COL15A1: variants seen among roughly 807,000 people sequenced by gnomAD.
COL15A1 encodes collagen alpha-1(XV) chain.
Under a neutral mutation model 165.9 loss-of-function variants are expected in COL15A1, and 111 were observed. The observed-to-expected ratio is 0.67, with a 90% confidence interval of 0.57 to 0.78. The LOEUF (loss-of-function observed/expected upper bound fraction) is 0.78. Ranked by LOEUF, COL15A1 falls within the 30% of genes least tolerant of loss-of-function variation. The probability of loss-of-function intolerance (pLI) is 0.00; values close to 1 mark genes in which losing one functional copy is unlikely to be tolerated. For synonymous variants in COL15A1, 659 were observed against 674.8 expected (o/e 0.98, Z 0.36); for missense variants, 1,745 against 1,789.7 (o/e 0.98, Z 0.45).
At chr9:99,010,396 G>A (rs1838831783) in intron 9 of COL15A1, among the ~76,000 whole-genome samples, 1 of 152,154 alleles carries the variant, frequency 6.6e-6, no homozygotes, top group Non-Finnish European at 1.5e-5. Flanking sequence ...TGGAAGAAGG[G>A]GTCAGGGGAA....
At chr9:98,970,047 A>C (rs1838021292) in intron 2 of COL15A1, among the ~76,000 whole-genome samples, 1 of 151,330 alleles carries the variant, frequency 6.6e-6, no homozygotes, top group African/African-American at 2.4e-5. Flanking sequence ...GTAGTTTAAA[A>C]AAAAAAAAAA....
intron 2 of COL15A1, among the ~76,000 whole-genome samples, chr9:98,950,550 C>CCCTTCCTTCCTTCCTTCCTTCCTT (rs60753911): frequency 1.9e-4 from 13 of 66,954 alleles, no homozygotes; most frequent in African/African-American, 8.5e-4. Flanking sequence ...CCTTCCCTTC[C>CCCTTCCTTCCTTCCTTCCTTCCTT]CCTTCCTTCC....
chr9:99,042,257 A>AT (rs1002937699), intron 24 of COL15A1, 150 bp downstream of exon 24: 16 of 597,358 alleles, frequency 2.7e-5, no homozygotes, highest in Non-Finnish European at 4.2e-5. Flanking sequence ...CAATTCAGTG[A>AT]TTTTTGGTGG....
chr9:98,999,130 A>AG (rs1303982880), intron 6 of COL15A1, among the ~76,000 whole-genome samples: 1 of 152,054 alleles, frequency 6.6e-6, no homozygotes, highest in Non-Finnish European at 1.5e-5. Context: ...GTGGGTGGGG[A>AG]GGGGGGCAGA....
intron 30 of COL15A1, among the ~76,000 whole-genome samples, chr9:99,050,891 C>T (rs966224084): frequency 1.3e-5 from 2 of 152,344 alleles, no homozygotes; most frequent in East Asian, 3.9e-4. Flanking sequence ...TAAGTCTAAA[C>T]GTTGAGGCAT....
At chr9:98,959,189 G>A (rs952998809) in intron 2 of COL15A1, among the ~76,000 whole-genome samples, 14 of 130,502 alleles carry the variant, frequency 1.1e-4, no homozygotes, top group African/African-American at 3.5e-4. Context: ...CCAGGAGTTC[G>A]AGACCAGCCT....
rs1588500774 is a variant in COL15A1, at chr9:98,982,080, CA to C, written c.101-3484del. Among the ~76,000 whole-genome samples the C allele has an allele frequency of 3.9e-5, 6 of 152,228 alleles. No individual in the cohort carries two copies. The East Asian group carries it at 1.2e-3, about 29-fold the overall frequency. ...CCTCCTAAAACACTGGAATTACAGG[CA>C]TGAGCCACCATACCAGGCCCTATTT... On this transcript the variant is annotated intron_variant, in intron 2 of 41. Transcript: ENST00000375001.
intron 5 of COL15A1, among the ~76,000 whole-genome samples, chr9:98,994,851 C>A (rs530692887): frequency 6.6e-6 from 1 of 152,112 alleles, no homozygotes; most frequent in South Asian, 2.1e-4. Context: ...GAGGCAGGTC[C>A]CCTTACCCTC....
intron 5 of COL15A1, among the ~76,000 whole-genome samples, chr9:98,995,882 GTCCTCATTT>G (rs1339322997): frequency 6.6e-6 from 1 of 151,890 alleles, no homozygotes; most frequent in Non-Finnish European, 1.5e-5. Flanking sequence ...GTTCTTTATT[GTCCTCATTT>G]TTACAGAGGA....
intron 9 of COL15A1, among the ~76,000 whole-genome samples, chr9:99,009,285 G>T (rs1372369316): frequency 6.6e-6 from 1 of 152,202 alleles, no homozygotes; most frequent in Non-Finnish European, 1.5e-5. Context: ...TACTTCTGTG[G>T]CATACAGCAA....
intron 2 of COL15A1, among the ~76,000 whole-genome samples, chr9:98,961,586 G>A (rs1319412442): frequency 1.3e-5 from 2 of 152,190 alleles, no homozygotes; most frequent in African/African-American, 4.8e-5. Flanking sequence ...AGGGAGGAAG[G>A]CAGGGTGAAG....
At chr9:99,054,690 A>AT in intron 32 of COL15A1, 34 bp downstream of exon 32, 1 of 1,588,912 alleles carries the variant, frequency 6.3e-7, no homozygotes, top group Non-Finnish European at 8.5e-7. Context: ...CTTGCCTTTG[A>AT]TTTTTTGCTC....
At chr9:99,022,916 C>A (rs942978951) in intron 13 of COL15A1, among the ~76,000 whole-genome samples, 1 of 152,196 alleles carries the variant, frequency 6.6e-6, no homozygotes, top group Non-Finnish European at 1.5e-5. Flanking sequence ...CAGGTTTGGG[C>A]TGGCTCTTGA....
At position 98,985,918 on chromosome 9, in the gene COL15A1, T is replaced by C. The variant is rs1326973071; in HGVS notation, c.454T>C (p.Phe152Leu). The C allele has an allele frequency of 6.2e-7, 1 of 1,613,944 alleles. No individual in the cohort carries two copies. The highest frequency in any genetic ancestry group is 8.5e-7 in the Non-Finnish European group (1 of 1,180,002). The change falls in exon 3 of 42, where the codon TTC becomes CTC. Residue 152 changes from phenylalanine (F) to leucine (L), a missense_variant. Phe to Leu is a conservative substitution (Grantham distance 22, BLOSUM62 0). Coordinates refer to ENST00000375001, the MANE Select transcript of COL15A1 (RefSeq NM_001855.5). Reference sequence around the variant, plus strand: ...CCATGTGTCCCAAGAGGCTGCTGCCTTCTCGGTGCCTGTGATGACCCACAG... The same window carrying C: ...CCATGTGTCCCAAGAGGCTGCTGCCCTCTCGGTGCCTGTGATGACCCACAG... ...GSHVSQEAAA[F>L]SVPVMTHRWN...
At chr9:99,065,022 C>T (rs1485626736) in intron 39 of COL15A1, among the ~76,000 whole-genome samples, 1 of 152,180 alleles carries the variant, frequency 6.6e-6, no homozygotes, top group Non-Finnish European at 1.5e-5. Context: ...GCAATTTTAA[C>T]ATTTTGAGTG....
intron 2 of COL15A1, among the ~76,000 whole-genome samples, chr9:98,964,528 C>T (rs1441667214): frequency 1.3e-5 from 2 of 152,210 alleles, no homozygotes. Context: ...GTGTGTTTGA[C>T]AACAACCCTC....
At chr9:98,954,207 A>G (rs1167021986) in intron 2 of COL15A1, among the ~76,000 whole-genome samples, 4 of 135,576 alleles carry the variant, frequency 3.0e-5, no homozygotes, top group African/African-American at 1.0e-4. Context: ...TGTTTGTAAG[A>G]GATTCATTTT....
At position 99,068,600 on chromosome 9, in the gene COL15A1, G is replaced by A. The variant is rs150916067; in HGVS notation, c.3883G>A (p.Gly1295Arg). 2.5e-5 allele frequency: 38 copies of A among 1,546,688 alleles called. No homozygotes were observed. Among genetic ancestry groups the A allele is most frequent in the African/African-American group, 1.8e-4 (13 of 70,284 alleles). The change falls in exon 41 of 42, where the codon GGA becomes AGA. Residue 1295 changes from glycine to arginine, a missense_variant. Gly to Arg is a moderately radical substitution (Grantham distance 125, BLOSUM62 -2). Coordinates refer to ENST00000375001, the MANE Select transcript of COL15A1 (RefSeq NM_001855.5). ...TTGGGACTCAATTTTTTCTGGCCACGGAGGTCAGTTCAATATGCATATTCC... is the reference window on the plus strand; with the variant it reads ...TTGGGACTCAATTTTTTCTGGCCACAGAGGTCAGTTCAATATGCATATTCC... ...NNWDSIFSGH[G>R]GQFNMHIPIY...
chr9:99,036,730 A>C (rs1309288463), intron 21 of COL15A1, among the ~76,000 whole-genome samples: 1 of 152,252 alleles, frequency 6.6e-6, no homozygotes, highest in Non-Finnish European at 1.5e-5. Context: ...TGAGAAATAA[A>C]GCCAAAGATG....
Sources: gnomAD v4.1 joint callset for allele counts (sites outside exome capture counted in the v4.1 genomes callset) on GRCh38, gnomAD v4.1.1 for gene constraint, MANE v1.5 for transcripts, NCBI Gene and HGNC (gene_info 2026-07-23, HGNC 2026-07-21) for gene names.